Variants in DNAH12 observed in about 807,000 individuals in gnomAD.
DNAH12 encodes the protein dynein axonemal heavy chain 12.
In DNAH12, 285 loss-of-function variants were observed where a neutral mutation model predicts 371.5. The observed-to-expected ratio is 0.77, with a 90% CI of 0.70 to 0.85. DNAH12 has a LOEUF of 0.85. Ranked by LOEUF, DNAH12 falls within the 40% of genes least tolerant of loss-of-function variation. The probability of loss-of-function intolerance (pLI) is 0.00; values close to 1 mark genes in which losing one functional copy is unlikely to be tolerated. For synonymous variants in DNAH12, 1,200 were observed against 1,213.0 expected, an observed-to-expected ratio of 0.99 and a Z score of 0.22; for missense variants, 3,611 against 3,689.4, an observed-to-expected ratio of 0.98 and a Z score of 0.55.
chr3:57,428,497 A>G, intron 34 of DNAH12, 136 bp downstream of exon 34: 1 of 1,529,494 alleles, frequency 6.5e-7, no homozygotes, highest in Non-Finnish European at 8.8e-7. Flanking sequence ...AAGCAATATA[A>G]AACCAACGGT....
At chr3:57,349,230 T>C (rs1409925951) in intron 60 of DNAH12, among the ~76,000 whole-genome samples, 1 of 152,116 alleles carries the variant, frequency 6.6e-6, no homozygotes, top group Non-Finnish European at 1.5e-5. Context: ...GGAAAAATGC[T>C]CAACATCACT....
chr3:57,373,560 G>A (rs2063221872), intron 55 of DNAH12, among the ~76,000 whole-genome samples: 1 of 149,724 alleles, frequency 6.7e-6, no homozygotes. Flanking sequence ...TCCCGACCTT[G>A]TGATCTGCCT....
chr3:57,505,240 A>ACC (rs1247349994), intron 8 of DNAH12, among the ~76,000 whole-genome samples: 1 of 59,824 alleles, frequency 1.7e-5, no homozygotes, highest in Non-Finnish European at 3.2e-5. Flanking sequence ...CACTTACCAC[A>ACC]CCCCCCACCC....
In DNAH12 at chr3:57,355,123, A is replaced by C. The variant is rs1358263119; in HGVS notation, c.9533+2053T>G. The stretch of plus-strand genomic sequence containing the variant: ...GTTTTCAAAATGTCACCATTGGGGC[A>C]ACTGGGTAAAAGGTACATGAGATCT... On this transcript the variant is annotated intron_variant, in intron 59 of 73. Coordinates refer to ENST00000495027, the MANE Select transcript of DNAH12 (RefSeq NM_001366028.2). Among the ~76,000 whole-genome samples the C allele has an allele frequency of 6.6e-5, 10 of 152,266 alleles. No individual in the cohort carries two copies. The East Asian group carries it at 9.6e-4, about 15-fold the overall frequency.
intron 17 of DNAH12, among the ~76,000 whole-genome samples, chr3:57,466,755 T>A (rs1388137312): frequency 1.3e-5 from 2 of 152,060 alleles, no homozygotes; most frequent in Non-Finnish European, 2.9e-5. Flanking sequence ...CTTATGCCCT[T>A]ATTTTTTTTT....
intron 2 of DNAH12, among the ~76,000 whole-genome samples, chr3:57,542,155 T>TGGG (rs35978339): frequency 1.2e-5 from 1 of 82,328 alleles, no homozygotes; most frequent in Non-Finnish European, 2.2e-5. Context: ...TCCACTAAAC[T>TGGG]GGGGGGGGGG....
At chr3:57,413,022 A>C (rs1055546886) in intron 39 of DNAH12, among the ~76,000 whole-genome samples, 1 of 152,220 alleles carries the variant, frequency 6.6e-6, no homozygotes, top group Admixed American at 6.5e-5. Flanking sequence ...ATTGTTGAAA[A>C]CTTGGAAGCA....
intron 73 of DNAH12, among the ~76,000 whole-genome samples, chr3:57,294,914 G>A (rs1383300195): frequency 6.6e-6 from 1 of 152,178 alleles, no homozygotes; most frequent in Non-Finnish European, 1.5e-5. Context: ...TGGGTGATCA[G>A]TAAATATTTT....
chr3:57,502,249 A>G, intron 10 of DNAH12, 74 bp downstream of exon 10: 2 of 1,576,698 alleles, frequency 1.3e-6, no homozygotes, highest in Non-Finnish European at 1.7e-6. Flanking sequence ...GCCCCAGACA[A>G]ACAAACATCT....
chr3:57,429,172 TC>T (rs1195928796), intron 33 of DNAH12, among the ~76,000 whole-genome samples: 10 of 106,124 alleles, frequency 9.4e-5, no homozygotes, highest in African/African-American at 3.6e-4. Flanking sequence ...CTCACTCCTC[TC>T]CACACATTTT....
chr3:57,503,306 G>C (rs138794147), intron 9 of DNAH12, among the ~76,000 whole-genome samples: 2,087 of 151,754 alleles, frequency 0.014, 60 homozygotes, highest in African/African-American at 0.048. Context: ...AGTTGGGTTA[G>C]TTTTCTATCA....
intron 11 of DNAH12, among the ~76,000 whole-genome samples, chr3:57,491,068 C>T (rs1428432815): frequency 3.6e-5 from 4 of 110,444 alleles, no homozygotes; most frequent in Non-Finnish European, 6.9e-5. Context: ...GAAGACAGAG[C>T]GAGACTCTAT....
intron 10 of DNAH12, among the ~76,000 whole-genome samples, chr3:57,501,988 G>C (rs1174274464): frequency 6.6e-6 from 1 of 151,342 alleles, no homozygotes. Context: ...CTCACTGCAA[G>C]CTCCGCCTCC....
Position 57,303,438 on chromosome 3 carries a change from G to T in DNAH12, c.11190-1499C>A, listed in dbSNP as rs192084801. On this transcript the variant is annotated intron_variant, in intron 69 of 73. Coordinates refer to ENST00000495027, the MANE Select transcript of DNAH12 (RefSeq NM_001366028.2). The stretch of plus-strand genomic sequence containing the variant: ...TCTTTTTTTTTTTTTTTGAGACAAG[G>T]TCTCACTGTGTAACACAGGCTGGAG... Among the ~76,000 whole-genome samples, 1,141 of 148,280 alleles carry T rather than the reference G, an allele frequency of 7.7e-3. 13 individuals are homozygous for T. The highest frequency in any genetic ancestry group is 0.026 in the African/African-American group (1,064 of 40,180).
chr3:57,452,872 G>T lies in DNAH12; in HGVS notation c.3757C>A (p.Pro1253Thr), dbSNP rs1286784127. The change falls in exon 25 of 74, where the codon CCT becomes ACT. Residue 1253 changes from proline to threonine, a missense_variant. Physicochemically the swap from Pro to Thr is conservative, Grantham distance 38. Around this residue, in one of 3 missense-constraint regions of DNAH12, gnomAD observed 2,266 missense variants for 2,236.9 expected, o/e 1.01. Coordinates refer to ENST00000495027, the MANE Select transcript of DNAH12 (RefSeq NM_001366028.2). ...LGNSPRLVIT[P>T]LTDRCYRTLI... ...GTTCTGTAACACCTGTCAGTTAGAG[G>T]CGTAATGACAAGTCGAGGTGAGTTA... is the stretch of plus-strand genomic sequence containing the variant. 10 of 1,549,898 alleles carry T rather than the reference G, an allele frequency of 6.5e-6. No homozygotes were observed. Among genetic ancestry groups the T allele is most frequent in the Middle Eastern group, 3.3e-4 (2 of 5,994 alleles).
Position 57,309,733 on chromosome 3 carries a change from T to G in DNAH12, c.11018A>C (p.Lys3673Thr), listed in dbSNP as rs913117420. Residue 3673 changes from lysine to threonine, a missense_variant, in exon 68 of 74, where the codon AAA (lysine) becomes ACA (threonine). Coordinates refer to ENST00000495027, the MANE Select transcript of DNAH12 (RefSeq NM_001366028.2). Reference sequence around the variant, plus strand: ...AGTACTTCCTGAGGCTCCTGTCTGTTTGGAGCCTCCCTGGGTGAGGAGCAA... The same window carrying G: ...AGTACTTCCTGAGGCTCCTGTCTGTGTGGAGCCTCCCTGGGTGAGGAGCAA... Reference protein sequence around the residue: ...ESLLLTQGGSKQTGASGSTDQ... With the variant: ...ESLLLTQGGSTQTGASGSTDQ... 1 of 1,551,040 alleles carries G rather than the reference T, an allele frequency of 6.4e-7. No individual in the cohort carries two copies. Among genetic ancestry groups the G allele is most frequent in the Non-Finnish European group, 8.7e-7 (1 of 1,146,772 alleles).
At chr3:57,333,329 CTTT>C (rs34135477) in intron 62 of DNAH12, among the ~76,000 whole-genome samples, 10 of 111,094 alleles carry the variant, frequency 9.0e-5, no homozygotes, top group South Asian at 2.7e-4. Context: ...TTTAAGGCAA[CTTT>C]TTTTTTTTTT....
chr3:57,361,506 T>G lies in DNAH12; in HGVS notation c.9360+2088A>C, dbSNP rs1183358446. 2.1e-5 allele frequency among the ~76,000 whole-genome samples: 3 copies of G among 145,162 alleles called. No individual in the cohort carries two copies. In the East Asian group the frequency reaches 6.2e-4, roughly 30 times the overall value. ...CTCTGTTAGGTGAATTTGCAATAAA[T>G]CCATTATTGGCTGTAAACTATTTGC... On this transcript the variant is annotated intron_variant, in intron 58 of 73. Transcript: ENST00000495027.
At chr3:57,477,395 C>T (rs886898327) in intron 13 of DNAH12, among the ~76,000 whole-genome samples, 3 of 152,066 alleles carry the variant, frequency 2.0e-5, no homozygotes, top group Non-Finnish European at 2.9e-5. Flanking sequence ...CCGCCATTGC[C>T]GAGGCTTGAC....
Sources: allele counts gnomAD v4.1 joint callset (sites outside exome capture counted in the v4.1 genomes callset), GRCh38; gene constraint gnomAD v4.1.1; regional missense constraint gnomAD v4.1.1; transcripts MANE v1.5; gene names NCBI Gene and HGNC (gene_info 2026-07-23, HGNC 2026-07-21).